The following DOCK1 variants were observed in gnomAD, a reference collection of about 807,000 sequenced individuals.
The protein encoded by DOCK1 is dedicator of cytokinesis 1, also known as dedicator of cytokinesis protein 1.
A neutral mutation model predicts 262.7 loss-of-function variants in DOCK1; 138 were observed. That is an observed-to-expected ratio of 0.53 (90% confidence interval 0.46 to 0.61). The LOEUF is 0.61. Among genes scored for constraint, DOCK1 ranks in the 20% least tolerant of loss-of-function variants. The probability of loss-of-function intolerance (pLI) is 0.00; values close to 1 mark genes in which losing one functional copy is unlikely to be tolerated. For missense variants in DOCK1, 1,908 were observed against 2,370.7 expected (o/e 0.80, Z 4.05); for synonymous variants, 866 against 867.4 (o/e 1.00, Z 0.03).
chr10:127,176,257 C>T lies in DOCK1; in HGVS notation c.2847+48493C>T, dbSNP rs368666491. 2.5e-6 allele frequency: 4 copies of T among 1,614,016 alleles called. No homozygotes were observed. Among genetic ancestry groups the T allele is most frequent in the Non-Finnish European group, 3.4e-6 (4 of 1,180,032 alleles). ...GCCTCGCAGATATCCTTAAACCGCA[C>T]CTGCAGGGCTTTGTTCCGTTTTTTA... On this transcript the variant is annotated intron_variant, in intron 27 of 51. Transcript: ENST00000623213. The surrounding 1 kb of genome is among the most constrained non-coding windows in gnomAD (Gnocchi z 4.4).
At chr10:127,362,984 C>T (rs1374134088) in intron 33 of DOCK1, among the ~76,000 whole-genome samples, 1 of 110,176 alleles carries the variant, frequency 9.1e-6, no homozygotes. Context: ...TACACATACA[C>T]ATCCCCCCCC....
intron 12 of DOCK1, among the ~76,000 whole-genome samples, chr10:127,014,146 T>G (rs551088885): frequency 2.4e-4 from 36 of 152,044 alleles, no homozygotes; most frequent in African/African-American, 8.7e-4. Context: ...GCCAACATGT[T>G]TCCTCTTCAC....
chr10:127,436,051 C>T (rs1325420390), intron 48 of DOCK1, among the ~76,000 whole-genome samples: 1 of 152,178 alleles, frequency 6.6e-6, no homozygotes, highest in Non-Finnish European at 1.5e-5. Flanking sequence ...AGAATAAAAT[C>T]ATGAAATGTT....
At chr10:126,958,128 C>T (rs1317142393) in intron 1 of DOCK1, among the ~76,000 whole-genome samples, 5 of 152,114 alleles carry the variant, frequency 3.3e-5, no homozygotes, top group Non-Finnish European at 5.9e-5. Flanking sequence ...GTGTACACGG[C>T]GTATAGAATT....
intron 10 of DOCK1, among the ~76,000 whole-genome samples, chr10:127,004,468 C>T (rs1484276721): frequency 1.3e-5 from 2 of 152,046 alleles, no homozygotes; most frequent in Non-Finnish European, 2.9e-5. Flanking sequence ...AATTCTTGGT[C>T]AGGTGCTGTG....
intron 1 of DOCK1, among the ~76,000 whole-genome samples, chr10:126,920,296 A>C (rs2033049985): frequency 6.6e-6 from 1 of 152,256 alleles, no homozygotes; most frequent in African/African-American, 2.4e-5. Flanking sequence ...CCTTCTTAAT[A>C]AAATGTTCCA....
intron 38 of DOCK1, 91 bp from the exon 39 acceptor site, chr10:127,402,964 A>T: frequency 1.8e-6 from 2 of 1,141,116 alleles, no homozygotes; most frequent in South Asian, 1.4e-5. Context: ...GTACTTCTAC[A>T]CTGTTTTATT....
chr10:127,166,955 T>G (rs2054140964), intron 27 of DOCK1, among the ~76,000 whole-genome samples: 1 of 152,166 alleles, frequency 6.6e-6, no homozygotes, highest in Non-Finnish European at 1.5e-5. Flanking sequence ...AAATCTATTT[T>G]GGCATTCTGC....
chr10:126,932,897 G>A (rs2034291568), intron 1 of DOCK1, among the ~76,000 whole-genome samples: 2 of 152,230 alleles, frequency 1.3e-5, no homozygotes, highest in East Asian at 1.9e-4. Flanking sequence ...CAGTGTCACC[G>A]TCAGCTCCTG....
At chr10:127,275,028 GT>G (rs1349486362) in intron 29 of DOCK1, among the ~76,000 whole-genome samples, 6 of 152,120 alleles carry the variant, frequency 3.9e-5, no homozygotes, top group African/African-American at 1.4e-4. Flanking sequence ...CAATAGAGAA[GT>G]TTAGCTAGCA....
chr10:127,428,854 G>A (rs1056774754), intron 47 of DOCK1, among the ~76,000 whole-genome samples: 2 of 127,340 alleles, frequency 1.6e-5, no homozygotes, highest in African/African-American at 6.4e-5. Context: ...GTGTGGATTG[G>A]GGTGTCGTGT....
In DOCK1 at chr10:127,409,335, G is replaced by A; in HGVS notation, c.4287G>A (p.Lys1429=). The change falls in exon 42 of 52, where the codon AAG becomes AAA. Residue 1429 remains lysine, a synonymous_variant. Transcript: ENST00000623213. ...CAGATATTCAGTGCTTCACAGTGAAGCCCAAACTCGATCTGCCTCCTAAGT... is the reference window on the plus strand; with the variant it reads ...CAGATATTCAGTGCTTCACAGTGAAACCCAAACTCGATCTGCCTCCTAAGT... ...PGQYIQCFTV[K]PKLDLPPKFH... is the part of the protein sequence containing the mutation. 6.2e-7 allele frequency: 1 copy of A among 1,613,940 alleles called. No individual in the cohort carries two copies. The highest frequency in any genetic ancestry group is 8.5e-7 in the Non-Finnish European group (1 of 1,179,872).
chr10:126,940,861 A>G lies in DOCK1; in HGVS notation c.47-29841A>G, dbSNP rs921576887. On this transcript the variant is annotated intron_variant, in intron 1 of 51. Transcript: ENST00000623213. ...ATAGCAAACAGTAATTGCTAACTCT[A>G]TCTTATCAGGGAAATCAAAAGCGTC... is the stretch of plus-strand genomic sequence containing the variant. Among the ~76,000 whole-genome samples the G allele has an allele frequency of 4.6e-3, 704 of 152,316 alleles. 4 individuals carry two copies. Among genetic ancestry groups the G allele is most frequent in the African/African-American group, 0.016 (666 of 41,566 alleles).
rs780093667 is a variant in DOCK1 at position 127,373,826 on chromosome 10, G to A, written c.3478G>A (p.Gly1160Ser). The change falls in exon 34 of 52, where the codon GGC becomes AGC. Residue 1160 changes from glycine (G) to serine (S), a missense_variant. Coordinates refer to ENST00000623213, the MANE Select transcript of DOCK1 (RefSeq NM_001290223.2). ...ITKLDHEVEG[G>S]RGDEQYKVLF... is the part of the protein sequence containing the mutation. ...CAAGCTGGATCATGAAGTCGAAGGA[G>A]GCAGAGGAGACGAACAGTACAAAGT... 1.2e-6 allele frequency: 2 copies of A among 1,611,578 alleles called. No individual in the cohort carries two copies. Among genetic ancestry groups the A allele is most frequent in the South Asian group, 1.1e-5 (1 of 90,202 alleles).
chr10:127,037,409 G>T (rs1739148567), intron 18 of DOCK1, among the ~76,000 whole-genome samples: 1 of 152,258 alleles, frequency 6.6e-6, no homozygotes, highest in Non-Finnish European at 1.5e-5. Context: ...TTCAGGCCTT[G>T]TGGTGCTCTG....
intron 18 of DOCK1, among the ~76,000 whole-genome samples, chr10:127,036,003 A>AAAATAAAT (rs3070212): frequency 0.15 from 20,172 of 138,794 alleles, 1,587 homozygotes; most frequent in East Asian, 0.2. Context: ...CCCTGTCTCA[A>AAAATAAAT]AAATAAATAA....
rs751709854 is a variant in DOCK1, at chr10:127,257,447, G to A, written c.3044+18G>A. ...CAAAATAAGTAAGTGTGGGGAAAAC[G>A]GCTCTCACCTTTTCTATGGCTCCCA... On this transcript the variant is annotated intron_variant, in intron 29 of 51. Transcript: ENST00000623213. 16 of 1,581,000 alleles carry A rather than the reference G, an allele frequency of 1.0e-5. No individual in the cohort carries two copies. Among genetic ancestry groups the A allele is most frequent in the Admixed American group, 1.8e-5 (1 of 55,754 alleles).
intron 23 of DOCK1, among the ~76,000 whole-genome samples, chr10:127,069,352 G>A (rs1471709672): frequency 1.3e-5 from 2 of 152,132 alleles, no homozygotes; most frequent in African/African-American, 2.4e-5. Flanking sequence ...CGAGAACTCC[G>A]GTGCGTTCCA....
intron 46 of DOCK1, among the ~76,000 whole-genome samples, chr10:127,422,158 C>CTTTTTTTTTTTTT (rs35535729): frequency 9.8e-5 from 6 of 61,372 alleles, no homozygotes; most frequent in Non-Finnish European, 1.2e-4. Context: ...TTTTGTTTGT[C>CTTTTTTTTTTTTT]TTTTTTTTTT....
Sources: allele counts gnomAD v4.1 joint callset (sites outside exome capture counted in the v4.1 genomes callset), GRCh38; gene constraint gnomAD v4.1.1; non-coding constraint Gnocchi (gnomAD v3.1); transcripts MANE v1.5; gene names NCBI Gene and HGNC (gene_info 2026-07-23, HGNC 2026-07-21).